Variants in C13orf42 observed in about 807,000 individuals in gnomAD.
C13orf42 encodes the protein chromosome 13 open reading frame 42, also known as uncharacterized protein C13orf42.
chr13:51,127,803 T>C (rs1953588175), intron 1 of C13orf42, among the ~76,000 whole-genome samples: 1 of 152,226 alleles, frequency 6.6e-6, no homozygotes, highest in African/African-American at 2.4e-5. Context: ...CCACTCATTC[T>C]AGGTACCTGT....
chr13:51,117,657 C>T (rs1426315979), intron 1 of C13orf42, among the ~76,000 whole-genome samples: 6 of 152,178 alleles, frequency 3.9e-5, no homozygotes, highest in Non-Finnish European at 8.8e-5. Flanking sequence ...CATTCTCCTG[C>T]ACCTACCTCC....
chr13:51,153,621 G>GTTTTTTGTTTTTTTTT (rs1953799413), intron 1 of C13orf42, among the ~76,000 whole-genome samples: 3 of 82,034 alleles, frequency 3.7e-5, no homozygotes, highest in Admixed American at 1.3e-4. Context: ...CTTGCTTTCT[G>GTTTTTTGTTTTTTTTT]TTTTTTTTCT....
chr13:51,088,891 C>A (rs556680758), intron 1 of C13orf42, among the ~76,000 whole-genome samples: 2 of 152,228 alleles, frequency 1.3e-5, no homozygotes, highest in African/African-American at 4.8e-5. Context: ...ATGATCTTCA[C>A]AACAATCCCG....
intron 1 of C13orf42, among the ~76,000 whole-genome samples, chr13:51,152,875 G>A (rs946792770): frequency 3.3e-5 from 5 of 152,046 alleles, no homozygotes; most frequent in East Asian, 1.9e-4. Context: ...TGCTATGCTC[G>A]AGCCACATGT....
chr13:51,128,322 T>C (rs1463484762), intron 1 of C13orf42, among the ~76,000 whole-genome samples: 1 of 152,200 alleles, frequency 6.6e-6, no homozygotes, highest in East Asian at 1.9e-4. Flanking sequence ...AACCTTCTCT[T>C]GGGATCTGGA....
intron 1 of C13orf42, among the ~76,000 whole-genome samples, chr13:51,154,650 A>T (rs919344021): frequency 6.6e-6 from 1 of 152,194 alleles, no homozygotes; most frequent in Non-Finnish European, 1.5e-5. Flanking sequence ...ATTGACATTC[A>T]TGGCTGTAGA....
At chr13:51,112,201 TAC>T (rs1352249502), upstream of C13orf42, among the ~76,000 whole-genome samples, 2 of 152,238 alleles carry the variant, frequency 1.3e-5, no homozygotes, top group African/African-American at 4.8e-5. Flanking sequence ...TCTCCTAGAC[TAC>T]AGTCTGAGAG....
At chr13:51,146,449 T>C (rs551961692) in intron 1 of C13orf42, among the ~76,000 whole-genome samples, 77 of 152,282 alleles carry the variant, frequency 5.1e-4, no homozygotes, top group African/African-American at 1.7e-3. Context: ...GTTTAAGAAG[T>C]TTATTTTGCC....
At position 51,153,621 on chromosome 13, in the gene C13orf42, GTTTTTTTTC is replaced by G. The variant is rs1953799932; in HGVS notation, n.136+18623_136+18631del. On this transcript the variant is annotated intron_variant and non_coding_transcript_variant, in intron 1 of 4. Coordinates refer to the C13orf42 transcript ENST00000433280. ...TTATCAACCCATTTTCTTGCTTTCT[GTTTTTTTTC>G]TTTTTTTTTTTTTTTTTTTTTTTTT... Among the ~76,000 whole-genome samples, 6 of 82,036 alleles carry G rather than the reference GTTTTTTTTC, an allele frequency of 7.3e-5. No homozygotes were observed. The East Asian group carries it at 1.4e-3, about 19-fold the overall frequency. 53.8% of individuals were successfully genotyped at this position (82,036 alleles called of 152,430 possible). A position where few individuals can be genotyped will look rare whatever the true frequency, so the allele number is the denominator to read the frequency against.
chr13:51,089,180 C>G (rs1953158348), intron 1 of C13orf42, among the ~76,000 whole-genome samples: 1 of 152,076 alleles, frequency 6.6e-6, no homozygotes, highest in Admixed American at 6.6e-5. Context: ...GGAAAGAAAA[C>G]AGCATCTCTA....
At chr13:51,129,446 A>G (rs1953598832) in intron 1 of C13orf42, among the ~76,000 whole-genome samples, 1 of 152,120 alleles carries the variant, frequency 6.6e-6, no homozygotes, top group African/African-American at 2.4e-5. Flanking sequence ...GGATGGCTGG[A>G]AAAGATCCCT....
chr13:51,115,534 C>T (rs971458433), upstream of C13orf42, among the ~76,000 whole-genome samples: 3 of 152,140 alleles, frequency 2.0e-5, no homozygotes, highest in South Asian at 2.1e-4. Context: ...TGCAACTGTA[C>T]TTCATCTAGA....
At chr13:51,107,408 G>A (rs1016211794) in intron 1 of C13orf42, among the ~76,000 whole-genome samples, 8 of 152,174 alleles carry the variant, frequency 5.3e-5, no homozygotes, top group Non-Finnish European at 8.8e-5. Flanking sequence ...CTTTTGTTTC[G>A]TTTGTGTGTT....
intron 1 of C13orf42, among the ~76,000 whole-genome samples, chr13:51,160,116 C>T (rs1286878941): frequency 6.6e-6 from 1 of 152,196 alleles, no homozygotes; most frequent in East Asian, 1.9e-4. Flanking sequence ...ATGTGAGATA[C>T]AATTCAAGTT....
chr13:51,163,425 A>C (rs1366657102), intron 1 of C13orf42, among the ~76,000 whole-genome samples: 1 of 152,130 alleles, frequency 6.6e-6, no homozygotes, highest in Non-Finnish European at 1.5e-5. Flanking sequence ...CCAGAGGTCA[A>C]AGAAGAGACC....
chr13:51,142,927 TAA>T (rs1234339325), intron 1 of C13orf42, among the ~76,000 whole-genome samples: 3 of 152,114 alleles, frequency 2.0e-5, no homozygotes, highest in Admixed American at 6.6e-5. Context: ...TAAGCCACAA[TAA>T]GAGGATCTAT....
At chr13:51,146,421 C>A (rs116852916) in intron 1 of C13orf42, among the ~76,000 whole-genome samples, 1 of 152,136 alleles carries the variant, frequency 6.6e-6, no homozygotes, top group African/African-American at 2.4e-5. Flanking sequence ...CTCGAATATC[C>A]GAGACAGCTG....
chr13:51,086,503 T>TGA (rs375631116), intron 2 of C13orf42, among the ~76,000 whole-genome samples: 7 of 150,546 alleles, frequency 4.6e-5, no homozygotes, highest in East Asian at 1.9e-4. Context: ...AGTGTGTGTG[T>TGA]GAGAGAGAGA....
At chr13:51,152,102 C>T (rs1285238046) in intron 1 of C13orf42, among the ~76,000 whole-genome samples, 5 of 152,286 alleles carry the variant, frequency 3.3e-5, no homozygotes, top group South Asian at 4.1e-4. Flanking sequence ...CTCATACTCA[C>T]CACAGTGTGG....
Sources: gnomAD v4.1 joint callset for allele counts (sites outside exome capture counted in the v4.1 genomes callset) on GRCh38, gnomAD v4.1.1 for gene constraint, MANE v1.5 for transcripts, NCBI Gene and HGNC (gene_info 2026-07-23, HGNC 2026-07-21) for gene names.